WWOX: variants seen among roughly 807,000 people sequenced by gnomAD.
The protein encoded by WWOX is WW domain containing oxidoreductase, also known as WW domain-containing oxidoreductase.
In WWOX, 69 loss-of-function variants were observed where a neutral mutation model predicts 46.2. That is an observed-to-expected ratio of 1.49 (90% CI 1.23 to 1.82). WWOX has a LOEUF of 1.82. Among genes scored for constraint, WWOX ranks in the 40% most tolerant of loss-of-function variants. The pLI is 0.00. For synonymous variants in WWOX, 359 were observed against 202.6 expected, an observed-to-expected ratio of 1.77 and a Z score of -6.56; for missense variants, 919 against 542.6, an observed-to-expected ratio of 1.69 and a Z score of -6.89.
chr16:79,144,720 A>G (rs1364994231), intron 8 of WWOX, among the ~76,000 whole-genome samples: 1 of 152,226 alleles, frequency 6.6e-6, no homozygotes, highest in Admixed American at 6.5e-5. Flanking sequence ...TCTGTACAGT[A>G]GTCCTTAATT....
rs1308988705 is a variant in WWOX, at chr16:78,824,081, AG to A, written c.1057-387526del. ...CTCTGAATCCAAATTTTATTTTTCT[AG>A]TACTTTATTTTATTTTACTTTTTAT... On this transcript the variant is annotated intron_variant, in intron 8 of 8. Transcript: ENST00000566780. 1.2e-4 allele frequency among the ~76,000 whole-genome samples: 18 copies of A among 152,270 alleles called. 1 individual carries two copies. In the East Asian group the frequency reaches 2.7e-3, roughly 23 times the overall value.
intron 8 of WWOX, among the ~76,000 whole-genome samples, chr16:78,824,026 T>G (rs923287815): frequency 6.6e-6 from 1 of 152,140 alleles, no homozygotes; most frequent in South Asian, 2.1e-4. Flanking sequence ...CCTCCTGCCT[T>G]GATAGACGTG....
At chr16:78,550,819 G>A (rs899842762) in intron 8 of WWOX, 2 of 152,004 alleles carry the variant, frequency 1.3e-5, no homozygotes, top group African/African-American at 4.8e-5. Context: ...ATGAAGAATT[G>A]GAATATAAAG....
intron 8 of WWOX, among the ~76,000 whole-genome samples, chr16:78,671,928 C>G (rs551068627): frequency 6.6e-6 from 1 of 152,242 alleles, no homozygotes; most frequent in Non-Finnish European, 1.5e-5. Flanking sequence ...CTCATCTCAA[C>G]CCGTTAGGAT....
intron 8 of WWOX, among the ~76,000 whole-genome samples, chr16:78,692,044 C>T (rs184166060): frequency 7.9e-5 from 12 of 152,316 alleles, no homozygotes; most frequent in Non-Finnish European, 1.8e-4. Flanking sequence ...TTGCCTACCA[C>T]CATGTTTCTG....
chr16:78,290,279 T>A (rs964724605), intron 5 of WWOX, among the ~76,000 whole-genome samples: 1 of 139,964 alleles, frequency 7.1e-6, no homozygotes, highest in African/African-American at 2.7e-5. Flanking sequence ...TCCCTCCTCG[T>A]TCCCCCCCCC....
chr16:78,549,422 A>T (rs1457137730), intron 8 of WWOX, among the ~76,000 whole-genome samples: 2 of 152,156 alleles, frequency 1.3e-5, no homozygotes, highest in African/African-American at 4.8e-5. Context: ...ATTCATGGTA[A>T]TGTAATTCCC....
rs113478127 is a variant in WWOX, at chr16:79,130,144, A to G, written c.1057-81464A>G. ...GTGTAATAGAAAGGGAATTTGCCCA[A>G]GCTCACAGTCACAGGCTGGTGGAGT... On this transcript the variant is annotated intron_variant, in intron 8 of 8. Coordinates refer to ENST00000566780, the MANE Select transcript of WWOX (RefSeq NM_016373.4). 8.7e-3 allele frequency among the ~76,000 whole-genome samples: 1,328 copies of G among 152,302 alleles called. 9 individuals are homozygous for G. Among genetic ancestry groups the G allele is most frequent in the Middle Eastern group, 0.02 (6 of 294 alleles).
At chr16:78,351,079 G>C (rs930200433) in intron 5 of WWOX, among the ~76,000 whole-genome samples, 1 of 152,096 alleles carries the variant, frequency 6.6e-6, no homozygotes, top group Non-Finnish European at 1.5e-5. Flanking sequence ...TATGATTATT[G>C]GATGGATGAT....
rs535597361 is a variant in WWOX, at chr16:78,616,219, G to T, written c.1056+183467G>T. Among the ~76,000 whole-genome samples the T allele has an allele frequency of 1.4e-3, 209 of 149,534 alleles. 1 individual carries two copies. In the East Asian group the frequency reaches 0.015, roughly 11 times the overall value. Reference sequence around the variant, plus strand: ...ACACAAGCACACACACACTTTTGTGGTTTTTTTTTTAATTATATAAGCAAG... The same window carrying T: ...ACACAAGCACACACACACTTTTGTGTTTTTTTTTTTAATTATATAAGCAAG... On this transcript the variant is annotated intron_variant, in intron 8 of 8. Coordinates refer to ENST00000566780, the MANE Select transcript of WWOX (RefSeq NM_016373.4).
At chr16:78,760,113 C>T (rs931688315) in intron 8 of WWOX, among the ~76,000 whole-genome samples, 2 of 152,138 alleles carry the variant, frequency 1.3e-5, no homozygotes, top group Non-Finnish European at 1.5e-5. Context: ...CTCACAGTTC[C>T]ATGTGGCTAG....
intron 8 of WWOX, among the ~76,000 whole-genome samples, chr16:78,852,029 A>G (rs1021116300): frequency 1.5e-4 from 23 of 152,216 alleles, no homozygotes; most frequent in African/African-American, 5.3e-4. Context: ...TGGCCCCACA[A>G]TCAAGAGTGA....
At chr16:78,710,654 A>T (rs2048425875) in intron 8 of WWOX, among the ~76,000 whole-genome samples, 1 of 150,560 alleles carries the variant, frequency 6.6e-6, no homozygotes, top group Admixed American at 6.7e-5. Context: ...TTGCTCTGTC[A>T]CTCAGGCTGG....
intron 8 of WWOX, among the ~76,000 whole-genome samples, chr16:78,860,414 A>G (rs1397618001): frequency 6.6e-6 from 1 of 152,198 alleles, no homozygotes; most frequent in Non-Finnish European, 1.5e-5. Flanking sequence ...AAGACCTAGT[A>G]TATAGTAGGC....
rs1236414025 is a variant in WWOX at position 78,327,067 on chromosome 16, A to T, written c.517-59793A>T. Among the ~76,000 whole-genome samples the T allele has an allele frequency of 2.0e-5, 3 of 152,162 alleles. No individual in the cohort carries two copies. The East Asian group carries it at 5.8e-4, about 29-fold the overall frequency. On this transcript the variant is annotated intron_variant, in intron 5 of 8. Coordinates refer to ENST00000566780, the MANE Select transcript of WWOX (RefSeq NM_016373.4). ...AGCACTGCGCTGGGCACTGCCCCCC[A>T]GGAGCATCCATGCACCTCAAATCCT... is the stretch of plus-strand genomic sequence containing the variant.
intron 8 of WWOX, among the ~76,000 whole-genome samples, chr16:78,625,036 G>A (rs969427841): frequency 4.6e-5 from 7 of 152,278 alleles, no homozygotes; most frequent in Admixed American, 2.6e-4. Context: ...CTGTCTTTGG[G>A]AAGAGGTGTC....
chr16:78,433,121 G>C (rs999745425), intron 8 of WWOX, among the ~76,000 whole-genome samples: 1 of 152,102 alleles, frequency 6.6e-6, no homozygotes, highest in Non-Finnish European at 1.5e-5. Context: ...TGTGTCAGTA[G>C]GTAAACAACA....
At chr16:78,849,310 C>A (rs1055951080) in intron 8 of WWOX, among the ~76,000 whole-genome samples, 17 of 152,104 alleles carry the variant, frequency 1.1e-4, no homozygotes, top group African/African-American at 4.1e-4. Context: ...GTGGCTCATG[C>A]CTGTAATCCC....
chr16:78,531,099 T>C (rs2043610388), intron 8 of WWOX, among the ~76,000 whole-genome samples: 1 of 152,194 alleles, frequency 6.6e-6, no homozygotes, highest in Non-Finnish European at 1.5e-5. Context: ...TTTGGAGTTG[T>C]TTGCATTTCA....
Sources: gnomAD v4.1 joint callset for allele counts (sites outside exome capture counted in the v4.1 genomes callset) on GRCh38, gnomAD v4.1.1 for gene constraint, MANE v1.5 for transcripts, NCBI Gene and HGNC (gene_info 2026-07-23, HGNC 2026-07-21) for gene names.